BAZ1A: variants seen among roughly 807,000 people sequenced by gnomAD.
BAZ1A encodes the protein bromodomain adjacent to zinc finger domain 1A, also known as bromodomain adjacent to zinc finger domain protein 1A.
In BAZ1A, 50 loss-of-function variants were observed where a neutral mutation model predicts 185.2. The observed-to-expected ratio is 0.27, with a 90% CI of 0.22 to 0.34. The LOEUF (loss-of-function observed/expected upper bound fraction) is 0.34, where lower values mean the gene tolerates loss of function less well. Among genes scored for constraint, BAZ1A ranks in the 10% least tolerant of loss-of-function variants. The probability of loss-of-function intolerance (pLI) is 1.00; values close to 1 mark genes in which losing one functional copy is unlikely to be tolerated. For synonymous variants in BAZ1A, 571 were observed against 615.6 expected (o/e 0.93, Z 1.07); for missense variants, 1,356 against 1,839.9 (o/e 0.74, Z 4.81).
chr14:34,780,631 C>T lies in BAZ1A; in HGVS notation c.2112-321G>A, dbSNP rs558987723. Among the ~76,000 whole-genome samples the T allele has an allele frequency of 2.0e-5, 3 of 152,080 alleles. No homozygotes were observed. In the East Asian group the frequency reaches 5.8e-4, roughly 29 times the overall value. On this transcript the variant is annotated intron_variant, in intron 16 of 26. Coordinates refer to ENST00000360310, the MANE Select transcript of BAZ1A (RefSeq NM_013448.3). ...CCAGGGAGATGGGGAGGAGTGTGTG[C>T]TACAGAGGAATAACATACACAATGG...
rs201448900 is a variant in BAZ1A, at chr14:34,820,119, C to T, written c.536+5894G>A. The stretch of plus-strand genomic sequence containing the variant: ...CTTTTGCCATTTTTTAATTGGGTTC[C>T]TCGTTTTTTTTTTTTTTTTTTTTTT... On this transcript the variant is annotated intron_variant, in intron 4 of 26. Coordinates refer to ENST00000360310, the MANE Select transcript of BAZ1A (RefSeq NM_013448.3). Among the ~76,000 whole-genome samples, 4 of 130,470 alleles carry T rather than the reference C, an allele frequency of 3.1e-5. No homozygotes were observed. In the East Asian group the frequency reaches 8.7e-4, roughly 28 times the overall value. The allele number at this position is 130,470 out of a possible 152,430, so 85.6% of individuals were successfully genotyped here.
intron 3 of BAZ1A, among the ~76,000 whole-genome samples, chr14:34,852,347 A>G (rs1485532523): frequency 2.0e-5 from 3 of 150,432 alleles, no homozygotes; most frequent in Non-Finnish European, 4.5e-5. Flanking sequence ...AGCGGGGCAC[A>G]ATGGCTCATG....
chr14:34,826,027 A>T lies in BAZ1A; in HGVS notation c.522T>A (p.Cys174Ter). Residue 174 changes from cysteine (C) to a stop codon, truncating the protein, a stop_gained, in exon 4 of 27, where the codon TGT (cysteine) becomes TGA (stop). Transcript: ENST00000360310. LOFTEE classifies it high-confidence loss of function. ...AAATCACTTACCCATTTTGAAAAGA[A>T]CAGCTTTGTGTTTCTGAATCATCAC... Reference protein sequence around the residue: ...SDSDDSETQSCSFQNGKKKDA... With the variant: ...SDSDDSETQS The T allele has an allele frequency of 6.4e-7, 1 of 1,572,180 alleles. No homozygotes were observed.
chr14:34,844,549 G>A (rs1566592821), intron 3 of BAZ1A, among the ~76,000 whole-genome samples: 1 of 152,062 alleles, frequency 6.6e-6, no homozygotes, highest in Non-Finnish European at 1.5e-5. Flanking sequence ...GGCTGAGACA[G>A]GAGGATCACG....
At chr14:34,822,666 C>T (rs561051449) in intron 4 of BAZ1A, among the ~76,000 whole-genome samples, 1 of 152,224 alleles carries the variant, frequency 6.6e-6, no homozygotes, top group South Asian at 2.1e-4. Flanking sequence ...TCACTTTTCT[C>T]ATATCAAGGG....
intron 2 of BAZ1A, among the ~76,000 whole-genome samples, chr14:34,869,512 TAGGA>T (rs1405750698): frequency 6.7e-6 from 1 of 150,206 alleles, no homozygotes; most frequent in East Asian, 2.4e-4. Context: ...ACAGAAATTC[TAGGA>T]AGAAAGAGTT....
chr14:34,873,411 A>T (rs1260123296), intron 2 of BAZ1A, among the ~76,000 whole-genome samples: 1 of 152,136 alleles, frequency 6.6e-6, no homozygotes, highest in African/African-American at 2.4e-5. Context: ...TAAACACAAG[A>T]CGCTAAAACA....
intron 9 of BAZ1A, among the ~76,000 whole-genome samples, chr14:34,799,619 T>G (rs1881393931): frequency 6.8e-6 from 1 of 147,162 alleles, no homozygotes; most frequent in African/African-American, 2.6e-5. Context: ...CATTATTCAT[T>G]TTTTTTTTTT....
At chr14:34,779,588 A>G (rs1879906277) in intron 17 of BAZ1A, among the ~76,000 whole-genome samples, 1 of 152,186 alleles carries the variant, frequency 6.6e-6, no homozygotes, top group African/African-American at 2.4e-5. Context: ...TTATAGGCAC[A>G]GAATTAATTA....
intron 3 of BAZ1A, among the ~76,000 whole-genome samples, chr14:34,845,122 G>C (rs1033505773): frequency 6.6e-5 from 10 of 151,824 alleles, no homozygotes; most frequent in African/African-American, 2.4e-4. Flanking sequence ...ACTCCTGCTC[G>C]GAATTATTTA....
chr14:34,844,414 A>C (rs1306206309), intron 3 of BAZ1A, among the ~76,000 whole-genome samples: 5 of 152,104 alleles, frequency 3.3e-5, no homozygotes, highest in Non-Finnish European at 7.3e-5. Flanking sequence ...CATGAATTCG[A>C]AGAGTTAATA....
intron 3 of BAZ1A, among the ~76,000 whole-genome samples, chr14:34,844,329 A>G (rs1030725084): frequency 7.9e-5 from 12 of 152,330 alleles, no homozygotes; most frequent in African/African-American, 2.6e-4. Flanking sequence ...AAAGAGGTGA[A>G]AGACTTGTAC....
chr14:34,774,055 CAAAG>C (rs1382717866), intron 19 of BAZ1A, among the ~76,000 whole-genome samples: 1 of 152,080 alleles, frequency 6.6e-6, no homozygotes, highest in Non-Finnish European at 1.5e-5. Flanking sequence ...AAAAAGGTAA[CAAAG>C]AAACCAACAA....
At chr14:34,769,874 C>T (rs1043191080) in intron 21 of BAZ1A, among the ~76,000 whole-genome samples, 1 of 152,166 alleles carries the variant, frequency 6.6e-6, no homozygotes, top group Non-Finnish European at 1.5e-5. Context: ...CTAAGAAATA[C>T]TGAAGACTGG....
In BAZ1A at chr14:34,835,928, C is replaced by T. The variant is rs191669971; in HGVS notation, c.393-9772G>A. 7.9e-5 allele frequency among the ~76,000 whole-genome samples: 12 copies of T among 151,842 alleles called. No individual in the cohort carries two copies. The East Asian group carries it at 2.3e-3, about 30-fold the overall frequency. On this transcript the variant is annotated intron_variant, in intron 3 of 26. Coordinates refer to ENST00000360310, the MANE Select transcript of BAZ1A (RefSeq NM_013448.3). ...TCAGGTGATCTGCCCGCCTCAGCCT[C>T]CCAAAGTGTTGGATTACAGGCGTGA...
chr14:34,847,602 A>C (rs1195601554), intron 3 of BAZ1A, among the ~76,000 whole-genome samples: 1 of 152,084 alleles, frequency 6.6e-6, no homozygotes, highest in Non-Finnish European at 1.5e-5. Context: ...GTACCCAATC[A>C]CTGGCATCCA....
rs745339275 is a variant in BAZ1A, at chr14:34,861,919, T to G, written c.392+125A>C. ...AAACAGCTAACACCGGGGCTATCTGTGGGTTAACAGAATAGCTAGAGCATA... is the reference window on the plus strand; with the variant it reads ...AAACAGCTAACACCGGGGCTATCTGGGGGTTAACAGAATAGCTAGAGCATA... On this transcript the variant is annotated intron_variant, in intron 3 of 26. Transcript: ENST00000360310. 8.2e-6 allele frequency: 9 copies of G among 1,101,250 alleles called. No individual in the cohort carries two copies. The Admixed American group carries it at 2.0e-4, about 24-fold the overall frequency. The allele number at this position is 1,101,250 out of a possible 1,614,324, so 68.2% of individuals were successfully genotyped here.
chr14:34,777,286 A>C (rs912428006), intron 17 of BAZ1A, among the ~76,000 whole-genome samples: 1 of 152,264 alleles, frequency 6.6e-6, no homozygotes, highest in Non-Finnish European at 1.5e-5. Flanking sequence ...GGACAGTGAA[A>C]TCTGAATTTC....
At chr14:34,764,221 G>T (rs935933423) in intron 23 of BAZ1A, among the ~76,000 whole-genome samples, 1 of 151,036 alleles carries the variant, frequency 6.6e-6, no homozygotes, top group African/African-American at 2.4e-5. Flanking sequence ...GAATATTTTT[G>T]AATGTTTATA....
Sources: allele counts gnomAD v4.1 joint callset (sites outside exome capture counted in the v4.1 genomes callset), GRCh38; gene constraint gnomAD v4.1.1; transcripts MANE v1.5; gene names NCBI Gene and HGNC (gene_info 2026-07-23, HGNC 2026-07-21).